The following TLN2 variants were observed in gnomAD, a reference collection of about 807,000 sequenced individuals.
TLN2 encodes the protein talin 2.
Under a neutral mutation model 294.7 loss-of-function variants are expected in TLN2, and 118 were observed. The ratio of observed to expected loss-of-function variants is 0.40; its 90% CI spans 0.34 to 0.47. The LOEUF is 0.47. Ranked by LOEUF, TLN2 falls within the 20% of genes least tolerant of loss-of-function variation. The pLI, the probability that TLN2 is intolerant of heterozygous loss-of-function variation, is 0.84. For synonymous variants in TLN2, 1,431 were observed against 1,304.5 expected (o/e 1.10, Z -2.09); for missense variants, 3,083 against 3,282.2 (o/e 0.94, Z 1.48).
intron 1 of TLN2, among the ~76,000 whole-genome samples, chr15:62,423,870 G>A (rs1244050979): frequency 2.6e-5 from 4 of 152,186 alleles, no homozygotes; most frequent in African/African-American, 7.2e-5. Context: ...GTGAGCAACC[G>A]TGCCCGGCCT....
intron 25 of TLN2, among the ~76,000 whole-genome samples, chr15:62,720,648 GGTGTGTGTGT>G (rs5813167): frequency 2.6e-4 from 39 of 149,202 alleles, no homozygotes; most frequent in South Asian, 1.9e-3. Context: ...ATACAACACA[GGTGTGTGTGT>G]GTGTGTGTGT....
chr15:62,491,194 T>A (rs1449295786), intron 1 of TLN2, among the ~76,000 whole-genome samples: 1 of 151,934 alleles, frequency 6.6e-6, no homozygotes, highest in South Asian at 2.1e-4. Flanking sequence ...TGGTGGCACA[T>A]GCCTATAATC....
At chr15:62,671,645 G>A (rs2055440014) in intron 9 of TLN2, among the ~76,000 whole-genome samples, 1 of 152,176 alleles carries the variant, frequency 6.6e-6, no homozygotes. Flanking sequence ...CTGTGTATCT[G>A]TTCTTACATC....
At chr15:62,570,291 G>A (rs1487181023) in intron 1 of TLN2, among the ~76,000 whole-genome samples, 1 of 152,224 alleles carries the variant, frequency 6.6e-6, no homozygotes, top group African/African-American at 2.4e-5. Flanking sequence ...ACAGCCTGTT[G>A]CTTTCTAGTT....
At chr15:62,795,455 G>C (rs2065407250) in intron 46 of TLN2, among the ~76,000 whole-genome samples, 1 of 152,166 alleles carries the variant, frequency 6.6e-6, no homozygotes, top group Non-Finnish European at 1.5e-5. Flanking sequence ...GAGGGTGACA[G>C]CACAGGATTT....
intron 2 of TLN2, among the ~76,000 whole-genome samples, chr15:62,592,967 C>T (rs1344673918): frequency 6.6e-6 from 1 of 152,102 alleles, no homozygotes; most frequent in African/African-American, 2.4e-5. Context: ...TCTCTGTGTT[C>T]CCTGAAAGCT....
intron 32 of TLN2, among the ~76,000 whole-genome samples, chr15:62,744,106 G>C (rs1031754457): frequency 3.9e-5 from 6 of 152,158 alleles, no homozygotes; most frequent in African/African-American, 1.4e-4. Flanking sequence ...TCCAAATCAG[G>C]ATGTCACTCA....
At chr15:62,411,142 G>A (rs996536603) in intron 1 of TLN2, among the ~76,000 whole-genome samples, 3 of 152,198 alleles carry the variant, frequency 2.0e-5, no homozygotes, top group African/African-American at 7.2e-5. Context: ...GGAAGCGTAT[G>A]TGTGGACCGA....
In TLN2 at chr15:62,665,373, G is replaced by T. The variant is rs139117595; in HGVS notation, c.788+7475G>T. Among the ~76,000 whole-genome samples the T allele has an allele frequency of 4.1e-4, 62 of 152,272 alleles. No individual in the cohort carries two copies. In the East Asian group the frequency reaches 0.01, roughly 25 times the overall value. On this transcript the variant is annotated intron_variant, in intron 9 of 58. Coordinates refer to ENST00000636159, the MANE Select transcript of TLN2 (RefSeq NM_015059.3). ...CTCACTTAACATTTTTTTAAAAAAA[G>T]GTGGTTGCAGTAGTCTGGGCTTGAA...
Position 62,405,820 on chromosome 15 carries a change from A to G in TLN2, c.-238+15135A>G, listed in dbSNP as rs187565491. Among the ~76,000 whole-genome samples the G allele has an allele frequency of 5.4e-4, 82 of 152,298 alleles. 1 individual carries two copies. The East Asian group carries it at 0.013, about 24-fold the overall frequency. On this transcript the variant is annotated intron_variant, in intron 1 of 58. Transcript: ENST00000636159. ...GATTTTAACAGTAATAAAGGATGGT[A>G]AATTGTTGGCTGGTTTTTGCTGGTG...
chr15:62,838,737 A>C, intron 57 of TLN2, 119 bp from the exon 58 acceptor site: 1 of 1,348,950 alleles, frequency 7.4e-7, no homozygotes, highest in East Asian at 2.4e-5. Flanking sequence ...ACAGAACTTG[A>C]TGTTATAATT....
intron 1 of TLN2, among the ~76,000 whole-genome samples, chr15:62,427,107 T>C (rs578211890): frequency 2.0e-5 from 3 of 152,288 alleles, no homozygotes; most frequent in East Asian, 3.9e-4. Flanking sequence ...CCCGAGGTTA[T>C]TGGCCTGGGT....
chr15:62,663,571 G>A (rs148297115), intron 9 of TLN2, among the ~76,000 whole-genome samples: 4 of 151,162 alleles, frequency 2.6e-5, no homozygotes, highest in East Asian at 1.9e-4. Context: ...AGACTTTTAA[G>A]TGTGGTCTTT....
rs2059528443 is a variant in TLN2, at chr15:62,713,137, T to G, written c.2634+1060T>G. On this transcript the variant is annotated intron_variant, in intron 22 of 58. Coordinates refer to ENST00000636159, the MANE Select transcript of TLN2 (RefSeq NM_015059.3). ...ACAAAAAATTAACTGGGCATGGTGG[T>G]GTTCGCCTGTAATTCCACCTACTCG... 2.6e-5 allele frequency among the ~76,000 whole-genome samples: 4 copies of G among 151,222 alleles called. No homozygotes were observed. The South Asian group carries it at 8.4e-4, about 32-fold the overall frequency.
intron 12 of TLN2, among the ~76,000 whole-genome samples, chr15:62,691,115 T>A (rs2057869222): frequency 6.6e-6 from 1 of 151,974 alleles, no homozygotes; most frequent in Non-Finnish European, 1.5e-5. Context: ...TTCACTCAGC[T>A]TCTTGAATTT....
At chr15:62,826,725 AAG>A (rs2068239479) in intron 54 of TLN2, among the ~76,000 whole-genome samples, 1 of 152,304 alleles carries the variant, frequency 6.6e-6, no homozygotes, top group Admixed American at 6.5e-5. Flanking sequence ...ACAAAAAAAA[AAG>A]AGAAATGTGG....
At position 62,762,260 on chromosome 15, in the gene TLN2, G is replaced by C; in HGVS notation, c.4780-12G>C. ...CGACCCTGACTTTGATTTCTCTGCT[G>C]TTTGGTCTCAGGGTTCCCAGGCACA... is the stretch of plus-strand genomic sequence containing the variant. On this transcript the variant is annotated splice_polypyrimidine_tract_variant and intron_variant, in intron 38 of 58. Transcript: ENST00000636159. The C allele has an allele frequency of 6.2e-7, 1 of 1,613,960 alleles. No homozygotes were observed. The highest frequency in any genetic ancestry group is 1.3e-5 in the African/African-American group (1 of 75,014).
rs536592491 is a variant in TLN2 at position 62,398,208 on chromosome 15, C to T, written c.-238+7523C>T. Among the ~76,000 whole-genome samples the T allele has an allele frequency of 4.6e-5, 7 of 152,200 alleles. No homozygotes were observed. In the East Asian group the frequency reaches 5.8e-4, roughly 13 times the overall value. On this transcript the variant is annotated intron_variant, in intron 1 of 58. Coordinates refer to ENST00000636159, the MANE Select transcript of TLN2 (RefSeq NM_015059.3). ...TCTCATGATAGTGAGTGAGATCTCA[C>T]GAGATCTGATGGTTTCATAAGGGCC...
intron 1 of TLN2, among the ~76,000 whole-genome samples, chr15:62,476,968 G>T (rs1342549097): frequency 2.6e-5 from 4 of 152,110 alleles, no homozygotes; most frequent in Admixed American, 2.6e-4. Context: ...GTCTGTCTTT[G>T]CACTTAAAAC....
Sources: gnomAD v4.1 joint callset for allele counts (sites outside exome capture counted in the v4.1 genomes callset) on GRCh38, gnomAD v4.1.1 for gene constraint, MANE v1.5 for transcripts, NCBI Gene and HGNC (gene_info 2026-07-23, HGNC 2026-07-21) for gene names.